JPH1: variants seen among roughly 807,000 people sequenced by gnomAD.
The protein encoded by JPH1 is junctophilin 1, also known as junctophilin-1.
A neutral mutation model predicts 53.6 loss-of-function variants in JPH1; 12 were observed. The observed-to-expected ratio is 0.22, with a 90% confidence interval of 0.14 to 0.36. The LOEUF (loss-of-function observed/expected upper bound fraction) is 0.36, where lower values mean the gene tolerates loss of function less well. Ranked by LOEUF, JPH1 falls within the 10% of genes least tolerant of loss-of-function variation. The pLI, the probability that JPH1 is intolerant of heterozygous loss-of-function variation, is 1.00. For missense variants in JPH1, 808 were observed against 905.5 expected (o/e 0.89, Z 1.38); for synonymous variants, 375 against 363.8 (o/e 1.03, Z -0.35).
chr8:74,278,284 T>G (rs1212550637), intron 2 of JPH1, among the ~76,000 whole-genome samples: 1 of 152,206 alleles, frequency 6.6e-6, no homozygotes. Context: ...AGACATGACT[T>G]GCTTTTCCTT....
At chr8:74,309,822 C>A (rs2131458038) in intron 2 of JPH1, among the ~76,000 whole-genome samples, 1 of 152,318 alleles carries the variant, frequency 6.6e-6, no homozygotes, top group South Asian at 2.1e-4. Context: ...TCAGTCCCTG[C>A]CACTGAATGT....
At chr8:74,239,993 G>T (rs549354498) in intron 4 of JPH1, among the ~76,000 whole-genome samples, 25 of 151,984 alleles carry the variant, frequency 1.6e-4, no homozygotes, top group Admixed American at 1.6e-3. Flanking sequence ...ATTTTTTGAG[G>T]TGGAGTCTTG....
intron 3 of JPH1, 125 bp from the exon 4 acceptor site, chr8:74,245,300 T>C: frequency 1.3e-6 from 1 of 788,394 alleles, no homozygotes; most frequent in Admixed American, 3.7e-5. Flanking sequence ...TAAACACATA[T>C]TTCATTCTCT....
rs544525373 is a variant in JPH1 at position 74,302,982 on chromosome 8, C to G, written c.1139+11879G>C. Among the ~76,000 whole-genome samples, 311 of 148,372 alleles carry G rather than the reference C, an allele frequency of 2.1e-3. 1 individual carries two copies. The highest frequency in any genetic ancestry group is 7.2e-3 in the African/African-American group (291 of 40,230). The stretch of plus-strand genomic sequence containing the variant: ...AAGAAAAAAAAAAAAAAAAACAGTC[C>G]AACAGAGCTTGCTCACTGGGTAGGT... On this transcript the variant is annotated intron_variant, in intron 2 of 5. Transcript: ENST00000342232.
At chr8:74,268,310 T>G (rs934694661) in intron 2 of JPH1, among the ~76,000 whole-genome samples, 2 of 152,088 alleles carry the variant, frequency 1.3e-5, no homozygotes, top group African/African-American at 4.8e-5. Context: ...CACATAAGAA[T>G]CTATATGATT....
chr8:74,277,556 G>A (rs1311677039), intron 2 of JPH1, among the ~76,000 whole-genome samples: 4 of 152,172 alleles, frequency 2.6e-5, no homozygotes, highest in African/African-American at 7.2e-5. Flanking sequence ...TTTCTATGGT[G>A]GTTAAAAGCA....
intron 3 of JPH1, among the ~76,000 whole-genome samples, chr8:74,251,490 T>G (rs950760003): frequency 6.6e-6 from 1 of 152,240 alleles, no homozygotes; most frequent in Admixed American, 6.5e-5. Context: ...TTTCTGTGCA[T>G]GTACACAGTT....
At chr8:74,262,412 T>G (rs1051878246) in intron 2 of JPH1, among the ~76,000 whole-genome samples, 1 of 152,188 alleles carries the variant, frequency 6.6e-6, no homozygotes, top group African/African-American at 2.4e-5. Context: ...GGGGTGGGAT[T>G]CAGGTTAGGC....
intron 3 of JPH1, among the ~76,000 whole-genome samples, chr8:74,258,462 G>T (rs1806299950): frequency 6.6e-6 from 1 of 152,146 alleles, no homozygotes; most frequent in South Asian, 2.1e-4. Context: ...GCAAATATTT[G>T]TTGATTGCTA....
chr8:74,320,799 G>T lies in JPH1; in HGVS notation c.379+110C>A. On this transcript the variant is annotated intron_variant, in intron 1 of 5. Coordinates refer to ENST00000342232, the MANE Select transcript of JPH1 (RefSeq NM_020647.4). The surrounding 1 kb of genome is among the most constrained non-coding windows in gnomAD (Gnocchi z 4.4). ...GGTGGGAGGCGCCCCCAGGTGTTTT[G>T]GCGGGTTTCCGGACACGTGCGCCCG... is the stretch of plus-strand genomic sequence containing the variant. 7.7e-7 allele frequency: 1 copy of T among 1,293,340 alleles called. No homozygotes were observed. The highest frequency in any genetic ancestry group is 1.7e-5 in the South Asian group (1 of 57,194). 80.1% of individuals were successfully genotyped at this position (1,293,340 alleles called of 1,614,324 possible).
Position 74,321,463 on chromosome 8 carries a change from G to GCCGCCGCCA in JPH1, c.-185_-177dup, listed in dbSNP as rs1389444233. ...CCGCCCCCGTCCTCCCTCCTCTTTT[G>GCCGCCGCCA]CCGCCGCCACCGCCGCCTTCCTCCT... On this transcript the variant is annotated 5_prime_UTR_variant, in exon 1 of 6. Transcript: ENST00000342232. The surrounding 1 kb of genome is among the most constrained non-coding windows in gnomAD (Gnocchi z 4.3). 5 of 567,204 alleles carry GCCGCCGCCA rather than the reference G, an allele frequency of 8.8e-6. No homozygotes were observed. The highest frequency in any genetic ancestry group is 4.4e-5 in the Admixed American group (1 of 22,970). The allele number at this position is 567,204 out of a possible 1,614,324, so 35.1% of individuals were successfully genotyped here.
chr8:74,253,641 G>A (rs565455396), intron 3 of JPH1, among the ~76,000 whole-genome samples: 29 of 152,030 alleles, frequency 1.9e-4, no homozygotes, highest in African/African-American at 5.8e-4. Context: ...TTGATAGACC[G>A]CTAACAAGAC....
Position 74,321,290 on chromosome 8 carries a change from G to A in JPH1, c.-3C>T, listed in dbSNP as rs762479625. 12 of 1,558,764 alleles carry A rather than the reference G, an allele frequency of 7.7e-6. No individual in the cohort carries two copies. Among genetic ancestry groups the A allele is most frequent in the Middle Eastern group, 3.5e-4 (2 of 5,766 alleles). On this transcript the variant is annotated 5_prime_UTR_variant, in exon 1 of 6. Coordinates refer to ENST00000342232, the MANE Select transcript of JPH1 (RefSeq NM_020647.4). The surrounding 1 kb of genome is among the most constrained non-coding windows in gnomAD (Gnocchi z 4.3). ...AAGTCGAACCTTCCGCCCGTCATTCGGGGGGCAGCCCCGGCGCGCTCCCCG... is the reference window on the plus strand; with the variant it reads ...AAGTCGAACCTTCCGCCCGTCATTCAGGGGGCAGCCCCGGCGCGCTCCCCG...
rs1805794873 is a variant in JPH1, at chr8:74,244,664, A to G, written c.1770T>C (p.Ser590=). Reference sequence around the variant, plus strand: ...CTGGTTTTGTCACAGATTTGGAGGGACTCCACTTGTTAGCGGATGGCTTGT... The same window carrying G: ...CTGGTTTTGTCACAGATTTGGAGGGGCTCCACTTGTTAGCGGATGGCTTGT... The part of the protein sequence containing the change: ...LVHKPSANKW[S]PSKSVTKPVA... The change falls in exon 4 of 6, where the codon AGT becomes AGC. Residue 590 remains serine (S), a synonymous_variant. Transcript: ENST00000342232. 2 of 1,613,824 alleles carry G rather than the reference A, an allele frequency of 1.2e-6. No individual in the cohort carries two copies. Among genetic ancestry groups the G allele is most frequent in the African/African-American group, 2.7e-5 (2 of 74,840 alleles).
intron 2 of JPH1, among the ~76,000 whole-genome samples, chr8:74,272,528 A>G (rs1022163535): frequency 2.0e-5 from 3 of 151,834 alleles, no homozygotes; most frequent in African/African-American, 2.4e-5. Flanking sequence ...GGCTCAAAGC[A>G]TGATCTTGTA....
intron 2 of JPH1, among the ~76,000 whole-genome samples, chr8:74,279,816 G>C (rs1218750440): frequency 1.3e-5 from 2 of 152,118 alleles, no homozygotes; most frequent in South Asian, 2.1e-4. Flanking sequence ...AGAATTCTGA[G>C]GAACACAGTT....
chr8:74,254,478 T>C (rs994207734), intron 3 of JPH1, among the ~76,000 whole-genome samples: 170 of 152,174 alleles, frequency 1.1e-3, no homozygotes, highest in Non-Finnish European at 2.2e-3. Context: ...CTTTGAAAAC[T>C]GGCACAAGAC....
chr8:74,264,487 A>G (rs998927122), intron 2 of JPH1, among the ~76,000 whole-genome samples: 3 of 151,878 alleles, frequency 2.0e-5, no homozygotes, highest in Admixed American at 6.5e-5. Context: ...AATGTAAACT[A>G]TTATGTTATT....
At chr8:74,289,324 G>A (rs2131429834) in intron 2 of JPH1, among the ~76,000 whole-genome samples, 1 of 152,306 alleles carries the variant, frequency 6.6e-6, no homozygotes, top group East Asian at 1.9e-4. Context: ...GCTACAGCAT[G>A]ACCTTCTTCA....
Sources: gnomAD v4.1 joint callset for allele counts (sites outside exome capture counted in the v4.1 genomes callset) on GRCh38, gnomAD v4.1.1 for gene constraint, Gnocchi (gnomAD v3.1) non-coding constraint, MANE v1.5 for transcripts, NCBI Gene and HGNC (gene_info 2026-07-23, HGNC 2026-07-21) for gene names.